The following TEK variants were observed in gnomAD, a reference collection of about 807,000 sequenced individuals.
TEK encodes TEK receptor tyrosine kinase, also known as angiopoietin-1 receptor.
Under a neutral mutation model 131.8 loss-of-function variants are expected in TEK, and 43 were observed. That is an observed-to-expected ratio of 0.33 (90% CI 0.26 to 0.42). The LOEUF is 0.42. Among genes scored for constraint, TEK ranks in the 10% least tolerant of loss-of-function variants. The probability of loss-of-function intolerance (pLI) is 1.00; values close to 1 mark genes in which losing one functional copy is unlikely to be tolerated. For synonymous variants in TEK, 580 were observed against 491.6 expected (o/e 1.18, Z -2.38); for missense variants, 1,162 against 1,384.4 (o/e 0.84, Z 2.55).
chr9:27,190,412 C>A lies in TEK; in HGVS notation c.1328-117C>A, dbSNP rs1246257730. ...AGCAGGTGATCTCACTGAGTCTGAG[C>A]AGAAAACTTTAAGAGGACTTTGTTG... On this transcript the variant is annotated intron_variant, in intron 9 of 22. Coordinates refer to ENST00000380036, the MANE Select transcript of TEK (RefSeq NM_000459.5). The A allele has an allele frequency of 1.0e-5, 13 of 1,259,794 alleles. No homozygotes were observed. The East Asian group carries it at 2.6e-4, about 25-fold the overall frequency. 78.0% of individuals were successfully genotyped at this position (1,259,794 alleles called of 1,614,324 possible). A position where few individuals can be genotyped will look rare whatever the true frequency, so the allele number is the denominator to read the frequency against.
intron 6 of TEK, 151 bp from the exon 7 acceptor site, chr9:27,180,089 A>G: frequency 8.7e-7 from 1 of 1,143,246 alleles, no homozygotes; most frequent in Non-Finnish European, 1.3e-6. Context: ...CCAGCTTTTT[A>G]AGTTCCTGGT....
chr9:27,125,861 A>G (rs925439871), intron 1 of TEK, among the ~76,000 whole-genome samples: 5 of 152,054 alleles, frequency 3.3e-5, no homozygotes, highest in Non-Finnish European at 5.9e-5. Context: ...ACCTCTCTCA[A>G]CACATCTCAT....
chr9:27,204,274 T>C (rs1222975972), intron 13 of TEK, among the ~76,000 whole-genome samples: 2 of 152,188 alleles, frequency 1.3e-5, no homozygotes, highest in Non-Finnish European at 2.9e-5. Flanking sequence ...TAAAAATATA[T>C]CGAGTTTAAT....
intron 6 of TEK, 123 bp from the exon 7 acceptor site, chr9:27,180,117 C>G: frequency 7.2e-7 from 1 of 1,394,576 alleles, no homozygotes; most frequent in South Asian, 1.2e-5. Flanking sequence ...ATAAATTACC[C>G]CCTACCTTAC....
At chr9:27,169,165 T>C (rs758785722) in intron 3 of TEK, among the ~76,000 whole-genome samples, 3 of 152,194 alleles carry the variant, frequency 2.0e-5, no homozygotes, top group Non-Finnish European at 4.4e-5. Flanking sequence ...GGGTTACCTA[T>C]CATTTTTCAC....
At chr9:27,196,657 G>A (rs73427157) in intron 11 of TEK, among the ~76,000 whole-genome samples, 2 of 152,198 alleles carry the variant, frequency 1.3e-5, no homozygotes, top group African/African-American at 4.8e-5. Flanking sequence ...TCTGCTTTTG[G>A]GGAGGCCTGA....
chr9:27,197,013 C>G lies in TEK; in HGVS notation c.1625-302C>G, dbSNP rs115332264. ...TATCTCCTAATGCTATCCCTCCCCC[C>G]TCCCCCGGCAATTGAACAATGAGAA... is the stretch of plus-strand genomic sequence containing the variant. On this transcript the variant is annotated intron_variant, in intron 11 of 22. Coordinates refer to ENST00000380036, the MANE Select transcript of TEK (RefSeq NM_000459.5). Among the ~76,000 whole-genome samples the G allele has an allele frequency of 2.3e-4, 29 of 128,824 alleles. 1 individual carries two copies. The highest frequency in any genetic ancestry group is 1.3e-3 in the Admixed American group (16 of 12,466). 84.5% of individuals were successfully genotyped at this position (128,824 alleles called of 152,430 possible).
chr9:27,165,199 G>A (rs1465662854), intron 2 of TEK, among the ~76,000 whole-genome samples: 7 of 152,184 alleles, frequency 4.6e-5, no homozygotes, highest in African/African-American at 1.7e-4. Flanking sequence ...TGAGCCTACT[G>A]GGGAACCTTG....
chr9:27,180,727 G>A (rs575980845), intron 7 of TEK, among the ~76,000 whole-genome samples: 1 of 152,206 alleles, frequency 6.6e-6, no homozygotes, highest in Admixed American at 6.5e-5. Flanking sequence ...TTAGACAGGG[G>A]ATATTTTTAA....
At chr9:27,129,808 A>G (rs915092260) in intron 1 of TEK, among the ~76,000 whole-genome samples, 13 of 152,076 alleles carry the variant, frequency 8.5e-5, no homozygotes, top group Non-Finnish European at 8.8e-5. Context: ...ATTTCTAAAG[A>G]CCCTAGACCA....
chr9:27,206,523 A>G, intron 14 of TEK, 59 bp from the exon 15 acceptor site: 2 of 1,543,006 alleles, frequency 1.3e-6, no homozygotes, highest in Non-Finnish European at 8.8e-7. Context: ...AGAAGACATT[A>G]TGCCCCTTAG....
intron 21 of TEK, among the ~76,000 whole-genome samples, chr9:27,225,208 T>A (rs1376546933): frequency 6.6e-6 from 1 of 152,016 alleles, no homozygotes; most frequent in African/African-American, 2.4e-5. Context: ...CAAGCTACCA[T>A]TGACTTTCTT....
intron 1 of TEK, among the ~76,000 whole-genome samples, chr9:27,131,767 A>G (rs1822235148): frequency 6.6e-6 from 1 of 152,060 alleles, no homozygotes; most frequent in East Asian, 1.9e-4. Flanking sequence ...TGATTGCACC[A>G]CTGCACTCCC....
Position 27,213,593 on chromosome 9 carries a change from C to A in TEK, c.2987C>A (p.Thr996Lys). The A allele has an allele frequency of 6.2e-7, 1 of 1,610,082 alleles. No homozygotes were observed. Among genetic ancestry groups the A allele is most frequent in the Non-Finnish European group, 8.5e-7 (1 of 1,176,450 alleles). The change falls in exon 18 of 23, where the codon ACA becomes AAA. Residue 996 changes from threonine to lysine, a missense_variant. This residue lies in a region of TEK where 107 missense variants were observed against 173.9 expected (regional missense o/e 0.62). Transcript: ENST00000380036. ...SRGQEVYVKKTMGRLPVRWMA... is the reference protein window; with the variant it reads ...SRGQEVYVKKKMGRLPVRWMA... ...GGTCAAGAGGTGTATGTGAAAAAGACAATGGTAAGTGCCAGACACAGACAC... is the reference window on the plus strand; with the variant it reads ...GGTCAAGAGGTGTATGTGAAAAAGAAAATGGTAAGTGCCAGACACAGACAC...
chr9:27,219,361 A>G (rs896926927), intron 20 of TEK, among the ~76,000 whole-genome samples: 4 of 152,202 alleles, frequency 2.6e-5, no homozygotes, highest in African/African-American at 4.8e-5. Context: ...GCTAGAAACC[A>G]TCATCCTCAG....
chr9:27,196,794 ATAAT>A (rs974167880), intron 11 of TEK, among the ~76,000 whole-genome samples: 15 of 118,142 alleles, frequency 1.3e-4, no homozygotes, highest in African/African-American at 4.9e-4. Flanking sequence ...TTACTGTTTC[ATAAT>A]TTATTTATTT....
At chr9:27,126,997 T>C (rs1270420765) in intron 1 of TEK, among the ~76,000 whole-genome samples, 1 of 152,164 alleles carries the variant, frequency 6.6e-6, no homozygotes, top group Admixed American at 6.5e-5. Flanking sequence ...TATTATACTT[T>C]AAGATCTGGG....
At chr9:27,131,478 CAAA>C (rs537408115) in intron 1 of TEK, among the ~76,000 whole-genome samples, 10 of 97,124 alleles carry the variant, frequency 1.0e-4, no homozygotes, top group Non-Finnish European at 1.0e-4. Context: ...GACCCTGTCT[CAAA>C]AAAAAAAAAA....
chr9:27,172,920 C>T (rs1030405220), intron 5 of TEK, among the ~76,000 whole-genome samples, 173 bp downstream of exon 5: 1 of 152,062 alleles, frequency 6.6e-6, no homozygotes. Context: ...TTCTTTAATG[C>T]CAACCACTGG....
Sources: gnomAD v4.1 joint callset for allele counts (sites outside exome capture counted in the v4.1 genomes callset) on GRCh38, gnomAD v4.1.1 for gene constraint, gnomAD v4.1.1 regional missense constraint, MANE v1.5 for transcripts, NCBI Gene and HGNC (gene_info 2026-07-23, HGNC 2026-07-21) for gene names.